Variants in DAAM1 observed in about 807,000 individuals in gnomAD.
The protein encoded by DAAM1 is dishevelled associated activator of morphogenesis 1.
DAAM1 carries 52 observed loss-of-function variants against 130.0 expected under a neutral mutation model. That is an observed-to-expected ratio of 0.40 (90% CI 0.32 to 0.50). DAAM1 has a LOEUF of 0.50. DAAM1 is among the 20% of genes least tolerant of loss of function. The probability of loss-of-function intolerance (pLI) is 0.61; values close to 1 mark genes in which losing one functional copy is unlikely to be tolerated. For synonymous variants in DAAM1, 452 were observed against 444.5 expected (o/e 1.02, Z -0.21); for missense variants, 1,134 against 1,303.8 (o/e 0.87, Z 2.01).
intron 4 of DAAM1, among the ~76,000 whole-genome samples, chr14:59,319,984 T>G (rs1884947084): frequency 6.6e-6 from 1 of 152,090 alleles, no homozygotes; most frequent in African/African-American, 2.4e-5. Context: ...GTTGAATAAT[T>G]TCTAGAAGTT....
intron 1 of DAAM1, among the ~76,000 whole-genome samples, chr14:59,213,797 C>T (rs886221651): frequency 4.6e-5 from 7 of 152,136 alleles, no homozygotes; most frequent in Non-Finnish European, 8.8e-5. Flanking sequence ...ATGCTGCAGT[C>T]GGAAGACAGT....
intron 1 of DAAM1, among the ~76,000 whole-genome samples, chr14:59,227,132 G>A (rs949480187): frequency 6.6e-6 from 1 of 152,146 alleles, no homozygotes; most frequent in African/African-American, 2.4e-5. Context: ...CCTTTAAAGT[G>A]CGTCTTTTAC....
chr14:59,294,403 T>G (rs1413253822), intron 3 of DAAM1, among the ~76,000 whole-genome samples: 2 of 152,204 alleles, frequency 1.3e-5, no homozygotes, highest in Non-Finnish European at 2.9e-5. Context: ...TTTCTCAGAC[T>G]AAAACGATTC....
intron 6 of DAAM1, 139 bp downstream of exon 6, chr14:59,323,364 C>A: frequency 1.1e-6 from 1 of 923,768 alleles, no homozygotes; most frequent in Non-Finnish European, 1.6e-6. Context: ...TTAAACATTC[C>A]CTTCTTCTTA....
rs756716390 is a variant in DAAM1 at position 59,330,487 on chromosome 14, G to T, written c.1373-14G>T. On this transcript the variant is annotated splice_polypyrimidine_tract_variant and intron_variant, in intron 12 of 24. Transcript: ENST00000360909. ...GACTCTCCTGTTTTCATGTCCAATT[G>T]TTTTCTCGTGTAGAGCACAATGAGC... 6 of 1,568,224 alleles carry T rather than the reference G, an allele frequency of 3.8e-6. No homozygotes were observed. The highest frequency in any genetic ancestry group is 1.2e-5 in the South Asian group (1 of 82,472).
chr14:59,314,058 A>G (rs2139603812), intron 3 of DAAM1, among the ~76,000 whole-genome samples: 1 of 152,192 alleles, frequency 6.6e-6, no homozygotes, highest in Admixed American at 6.5e-5. Flanking sequence ...CTTTTATTCC[A>G]CCTGTGTAGA....
At chr14:59,300,355 C>A (rs187292446) in intron 3 of DAAM1, among the ~76,000 whole-genome samples, 2 of 152,242 alleles carry the variant, frequency 1.3e-5, no homozygotes. Flanking sequence ...AACAAAACTT[C>A]AGTGATGGAA....
At chr14:59,239,223 C>A (rs960393106) in intron 1 of DAAM1, among the ~76,000 whole-genome samples, 1 of 152,058 alleles carries the variant, frequency 6.6e-6, no homozygotes, top group Non-Finnish European at 1.5e-5. Flanking sequence ...AGGGTAATGC[C>A]CTATGGTGCT....
At chr14:59,321,685 A>G (rs1289361918) in intron 5 of DAAM1, among the ~76,000 whole-genome samples, 1 of 152,238 alleles carries the variant, frequency 6.6e-6, no homozygotes, top group Non-Finnish European at 1.5e-5. Context: ...GGTTGGGTGA[A>G]AAGCCTAGAA....
Position 59,292,557 on chromosome 14 carries a change from C to T in DAAM1, c.273+1251C>T, listed in dbSNP as rs1298316161. Among the ~76,000 whole-genome samples the T allele has an allele frequency of 3.9e-5, 6 of 152,212 alleles. 1 individual carries two copies. The East Asian group carries it at 1.2e-3, about 29-fold the overall frequency. ...CATGTCTTATCCATCTTTGTAACGC[C>T]AGCATCTGATACTTTGAAATGAATG... On this transcript the variant is annotated intron_variant, in intron 3 of 24. Transcript: ENST00000360909.
chr14:59,201,677 GTC>G (rs1177886874), intron 1 of DAAM1, among the ~76,000 whole-genome samples: 1 of 151,822 alleles, frequency 6.6e-6, no homozygotes, highest in Admixed American at 6.6e-5. Flanking sequence ...CACATCTGTA[GTC>G]TCAGCTACTC....
chr14:59,362,055 G>A (rs1485449840), intron 22 of DAAM1, among the ~76,000 whole-genome samples: 2 of 137,928 alleles, frequency 1.5e-5, no homozygotes, highest in African/African-American at 2.7e-5. Flanking sequence ...GTAGGGGGCA[G>A]TATTAAAAAA....
At chr14:59,358,939 C>T (rs1594849396) in intron 20 of DAAM1, among the ~76,000 whole-genome samples, 2 of 152,166 alleles carry the variant, frequency 1.3e-5, no homozygotes, top group Admixed American at 1.3e-4. Flanking sequence ...ACATCCCTCA[C>T]TCTCCACCCC....
chr14:59,223,852 C>G (rs1341321305), intron 1 of DAAM1, among the ~76,000 whole-genome samples: 1 of 152,190 alleles, frequency 6.6e-6, no homozygotes, highest in East Asian at 1.9e-4. Flanking sequence ...GATGGAAGAC[C>G]TGCATTTTAT....
chr14:59,313,179 T>C (rs891738411), intron 3 of DAAM1, among the ~76,000 whole-genome samples: 1 of 152,124 alleles, frequency 6.6e-6, no homozygotes, highest in Non-Finnish European at 1.5e-5. Flanking sequence ...AGAGAGAGTT[T>C]TGGTTCAGAG....
At chr14:59,350,470 CACA>C (rs1251352085) in intron 17 of DAAM1, among the ~76,000 whole-genome samples, 1 of 151,932 alleles carries the variant, frequency 6.6e-6, no homozygotes, top group African/African-American at 2.4e-5. Context: ...TACACACACA[CACA>C]CACACACGTC....
chr14:59,214,928 T>C (rs1442143366), intron 1 of DAAM1, among the ~76,000 whole-genome samples: 1 of 152,246 alleles, frequency 6.6e-6, no homozygotes. Context: ...AATGGTTTTC[T>C]AAAGTGACTG....
chr14:59,202,799 T>C lies in DAAM1; in HGVS notation c.-38+14031T>C, dbSNP rs1888147783. ...AAAGGAATGTTTACAACATGAGTTATGGAAGTTCTACAATCCCAAATGAGT... is the reference window on the plus strand; with the variant it reads ...AAAGGAATGTTTACAACATGAGTTACGGAAGTTCTACAATCCCAAATGAGT... On this transcript the variant is annotated intron_variant, in intron 1 of 24. Coordinates refer to ENST00000360909, the MANE Select transcript of DAAM1 (RefSeq NM_001270520.2). Among the ~76,000 whole-genome samples the C allele has an allele frequency of 1.3e-5, 2 of 152,244 alleles. 1 individual carries two copies. The highest frequency in any genetic ancestry group is 4.1e-4 in the South Asian group (2 of 4,836).
At chr14:59,190,392 T>C (rs1289670065) in intron 1 of DAAM1, among the ~76,000 whole-genome samples, 1 of 152,166 alleles carries the variant, frequency 6.6e-6, no homozygotes, top group Admixed American at 6.6e-5. Flanking sequence ...AGGTAGTTTA[T>C]GGTGTTGGAG....
Sources: allele counts gnomAD v4.1 joint callset (sites outside exome capture counted in the v4.1 genomes callset), GRCh38; gene constraint gnomAD v4.1.1; transcripts MANE v1.5; gene names NCBI Gene and HGNC (gene_info 2026-07-23, HGNC 2026-07-21).